ANO2: variants seen among roughly 807,000 people sequenced by gnomAD.
The protein encoded by ANO2 is anoctamin 2.
A neutral mutation model predicts 124.2 loss-of-function variants in ANO2; 101 were observed. The ratio of observed to expected loss-of-function variants is 0.81; its 90% CI spans 0.69 to 0.96. The LOEUF is 0.96. Ranked by LOEUF, ANO2 falls within the 40% of genes least tolerant of loss-of-function variation. The pLI is 0.00. For synonymous variants in ANO2, 486 were observed against 482.5 expected (o/e 1.01, Z -0.09); for missense variants, 1,293 against 1,274.5 (o/e 1.01, Z -0.22).
At chr12:5,854,212 T>C (rs1463450686) in intron 3 of ANO2, 71 bp from the exon 4 acceptor site, 11 of 1,400,584 alleles carry the variant, frequency 7.9e-6, no homozygotes, top group African/African-American at 1.4e-5. Flanking sequence ...GTTCTTCAAC[T>C]GTTCCACACA....
At chr12:5,782,460 C>G (rs1000846986) in intron 10 of ANO2, among the ~76,000 whole-genome samples, 1 of 152,158 alleles carries the variant, frequency 6.6e-6, no homozygotes, top group African/African-American at 2.4e-5. Context: ...ATTTAAGTTT[C>G]CTACCTATCT....
chr12:5,591,115 G>T (rs1408805828), intron 20 of ANO2, among the ~76,000 whole-genome samples: 2 of 152,216 alleles, frequency 1.3e-5, no homozygotes, highest in African/African-American at 4.8e-5. Context: ...GGGAGGCAGA[G>T]GTTGCAGTGA....
At chr12:5,631,304 CT>C (rs1294555491) in intron 16 of ANO2, among the ~76,000 whole-genome samples, 2 of 152,182 alleles carry the variant, frequency 1.3e-5, no homozygotes. Flanking sequence ...AGTTCTCCTT[CT>C]AGATCTTTTT....
At chr12:5,734,377 TA>T (rs1387199955) in intron 13 of ANO2, among the ~76,000 whole-genome samples, 6 of 152,372 alleles carry the variant, frequency 3.9e-5, no homozygotes, top group Middle Eastern at 3.4e-3. Context: ...TGGGAGATTT[TA>T]ATTAAAAACT....
intron 14 of ANO2, among the ~76,000 whole-genome samples, chr12:5,710,246 CAG>C (rs1949762779): frequency 1.3e-5 from 2 of 152,028 alleles, no homozygotes; most frequent in African/African-American, 4.8e-5. Context: ...AAGAGCAGCT[CAG>C]AGACACTAAT....
chr12:5,695,275 G>C (rs1444455703), intron 14 of ANO2, among the ~76,000 whole-genome samples: 4 of 151,412 alleles, frequency 2.6e-5, no homozygotes, highest in African/African-American at 9.7e-5. Flanking sequence ...TGCCAGATCA[G>C]GCAGGGTTAT....
At chr12:5,918,846 C>G (rs920185580) in intron 3 of ANO2, among the ~76,000 whole-genome samples, 1 of 152,130 alleles carries the variant, frequency 6.6e-6, no homozygotes, top group Non-Finnish European at 1.5e-5. Context: ...CTATTATGTA[C>G]CAGACATTGT....
At chr12:5,772,664 G>A (rs1328016564) in intron 10 of ANO2, among the ~76,000 whole-genome samples, 1 of 152,052 alleles carries the variant, frequency 6.6e-6, no homozygotes, top group Non-Finnish European at 1.5e-5. Context: ...TAATGTGATA[G>A]CATAAACAGC....
At chr12:5,846,884 T>C (rs1954700839) in intron 4 of ANO2, among the ~76,000 whole-genome samples, 1 of 152,238 alleles carries the variant, frequency 6.6e-6, no homozygotes, top group East Asian at 1.9e-4. Flanking sequence ...TAAGATTATA[T>C]TTACAGGTTC....
In ANO2 at chr12:5,908,286, G is replaced by T. The variant is rs1940826002; in HGVS notation, c.534+12754C>A. 1.3e-5 allele frequency among the ~76,000 whole-genome samples: 2 copies of T among 152,230 alleles called. No individual in the cohort carries two copies. Among genetic ancestry groups the T allele is most frequent in the South Asian group, 4.1e-4 (2 of 4,830 alleles). On this transcript the variant is annotated intron_variant, in intron 3 of 24. Transcript: ENST00000682330. This position sits in a 1 kb window ranked among gnomAD's most constrained non-coding sequence, Gnocchi z 4.7. ...CCAACGGCCTGTGGATGAGCTAAGTGTAAGTTCCCTGGGCTGGAAGAGCCC... is the reference window on the plus strand; with the variant it reads ...CCAACGGCCTGTGGATGAGCTAAGTTTAAGTTCCCTGGGCTGGAAGAGCCC...
intron 14 of ANO2, among the ~76,000 whole-genome samples, chr12:5,728,035 T>C (rs1950510470): frequency 6.6e-6 from 1 of 152,130 alleles, no homozygotes; most frequent in South Asian, 2.1e-4. Flanking sequence ...CTCCATCTCT[T>C]GACCTCATGA....
In ANO2 at chr12:5,798,108, A is replaced by G. The variant is rs1952925248; in HGVS notation, c.1055+1399T>C. 2.0e-5 allele frequency among the ~76,000 whole-genome samples: 3 copies of G among 152,116 alleles called. No individual in the cohort carries two copies. In the South Asian group the frequency reaches 6.2e-4, roughly 32 times the overall value. The stretch of plus-strand genomic sequence containing the variant: ...AATGAGTAGTTGGAGAAAACAGGCG[A>G]CAGAGTGGGTGGCCACTTGAGATCC... On this transcript the variant is annotated intron_variant, in intron 10 of 24. Transcript: ENST00000682330.
chr12:5,866,127 A>C (rs897639893), intron 3 of ANO2, among the ~76,000 whole-genome samples: 1 of 152,206 alleles, frequency 6.6e-6, no homozygotes, highest in Non-Finnish European at 1.5e-5. Flanking sequence ...CTGCTTCTGG[A>C]ATATGCTTGT....
chr12:5,878,857 G>C (rs1255536567), intron 3 of ANO2, among the ~76,000 whole-genome samples: 1 of 152,222 alleles, frequency 6.6e-6, no homozygotes, highest in Non-Finnish European at 1.5e-5. Context: ...CCTTCACTGA[G>C]GGTGTGGTTT....
At chr12:5,601,631 G>A (rs1943946185) in intron 19 of ANO2, among the ~76,000 whole-genome samples, 1 of 152,204 alleles carries the variant, frequency 6.6e-6, no homozygotes, top group South Asian at 2.1e-4. Context: ...TCCATGAACA[G>A]TAATCAGACG....
At chr12:5,913,832 T>C (rs947665558) in intron 3 of ANO2, among the ~76,000 whole-genome samples, 2 of 152,202 alleles carry the variant, frequency 1.3e-5, no homozygotes, top group African/African-American at 2.4e-5. Context: ...AAACCATAGA[T>C]TAAATCTCAC....
intron 10 of ANO2, among the ~76,000 whole-genome samples, chr12:5,796,948 T>C (rs1240709210): frequency 6.6e-6 from 1 of 152,102 alleles, no homozygotes; most frequent in Non-Finnish European, 1.5e-5. Flanking sequence ...GCACTAGGGC[T>C]CCAGAGGAGG....
chr12:5,716,370 C>A (rs1346361161), intron 14 of ANO2, among the ~76,000 whole-genome samples: 1 of 152,148 alleles, frequency 6.6e-6, no homozygotes, highest in African/African-American at 2.4e-5. Flanking sequence ...CTCTTTCCAT[C>A]CTGCAGTCCA....
intron 4 of ANO2, among the ~76,000 whole-genome samples, chr12:5,852,234 TG>T (rs1954933268): frequency 6.6e-6 from 1 of 152,030 alleles, no homozygotes; most frequent in Admixed American, 6.5e-5. Context: ...AAAACAAAGA[TG>T]GCACCCGCAT....
Sources: gnomAD v4.1 joint callset for allele counts (sites outside exome capture counted in the v4.1 genomes callset) on GRCh38, gnomAD v4.1.1 for gene constraint, Gnocchi (gnomAD v3.1) non-coding constraint, MANE v1.5 for transcripts, NCBI Gene and HGNC (gene_info 2026-07-23, HGNC 2026-07-21) for gene names.